The following CEP162 variants were observed in gnomAD, a reference collection of about 807,000 sequenced individuals.
The protein encoded by CEP162 is centrosomal protein 162.
Under a neutral mutation model 169.2 loss-of-function variants are expected in CEP162, and 141 were observed. The ratio of observed to expected loss-of-function variants is 0.83; its 90% CI spans 0.73 to 0.96. The LOEUF is 0.96. Ranked by LOEUF, CEP162 falls within the 40% of genes least tolerant of loss-of-function variation. The probability of loss-of-function intolerance (pLI) is 0.00; values close to 1 mark genes in which losing one functional copy is unlikely to be tolerated. For missense variants in CEP162, 1,600 were observed against 1,587.2 expected, an observed-to-expected ratio of 1.01 and a Z score of -0.14; for synonymous variants, 540 against 526.4, an observed-to-expected ratio of 1.03 and a Z score of -0.35.
At chr6:84,134,054 C>T (rs1188413331) in intron 25 of CEP162, among the ~76,000 whole-genome samples, 1 of 152,320 alleles carries the variant, frequency 6.6e-6, no homozygotes, top group East Asian at 1.9e-4. Context: ...AGATGCCCTG[C>T]CCAGAGAGGA....
chr6:84,130,097 C>T (rs745975189), intron 25 of CEP162, among the ~76,000 whole-genome samples: 2 of 152,108 alleles, frequency 1.3e-5, no homozygotes, highest in Admixed American at 6.5e-5. Flanking sequence ...TCGAAGGCCT[C>T]TTCTGCATCT....
At chr6:84,131,938 G>C (rs867464854) in intron 25 of CEP162, among the ~76,000 whole-genome samples, 3 of 152,322 alleles carry the variant, frequency 2.0e-5, no homozygotes, top group Admixed American at 6.5e-5. Flanking sequence ...TCCTAGCACT[G>C]ATGGTCTTTA....
At chr6:84,227,414 A>G (rs1258490782) in intron 1 of CEP162, among the ~76,000 whole-genome samples, 166 bp downstream of exon 1, 1 of 152,152 alleles carries the variant, frequency 6.6e-6, no homozygotes, top group African/African-American at 2.4e-5. Flanking sequence ...CCGTCCCCAG[A>G]AGCGCGGGTT....
Position 84,174,173 on chromosome 6 carries a change from C to G in CEP162, c.2041G>C (p.Glu681Gln), listed in dbSNP as rs1437853107. 3 of 1,604,548 alleles carry G rather than the reference C, an allele frequency of 1.9e-6. No homozygotes were observed. Among genetic ancestry groups the G allele is most frequent in the African/African-American group, 1.3e-5 (1 of 74,672 alleles). The part of the protein sequence containing the change: ...ILQAKLSSFE[E>Q]TNKKQRWLHF... ...AACCACCTTTGTTTTTTGTTTGTTT[C>G]TTCAAAGCTGCTTAACTTGGAGAAA... The change falls in exon 16 of 27, where the codon GAA becomes CAA. Residue 681 changes from glutamate to glutamine, a missense_variant. Glu to Gln is a conservative substitution (Grantham distance 29). Transcript: ENST00000403245.
At chr6:84,126,748 G>A (rs1199281214) in intron 25 of CEP162, among the ~76,000 whole-genome samples, 1 of 152,114 alleles carries the variant, frequency 6.6e-6, no homozygotes, top group Non-Finnish European at 1.5e-5. Context: ...TACCTCCCAA[G>A]TATGGCAGTC....
chr6:84,144,450 G>A (rs1304036363), intron 25 of CEP162, among the ~76,000 whole-genome samples: 2 of 152,004 alleles, frequency 1.3e-5, no homozygotes, highest in Non-Finnish European at 1.5e-5. Flanking sequence ...CTCATCAGAT[G>A]TTTAACTATG....
intron 7 of CEP162, among the ~76,000 whole-genome samples, 187 bp downstream of exon 7, chr6:84,203,794 T>C (rs1461450527): frequency 2.0e-5 from 3 of 152,156 alleles, no homozygotes; most frequent in Non-Finnish European, 4.4e-5. Context: ...ATTTTTTTCA[T>C]TAAGATTTAC....
Position 84,174,135 on chromosome 6 carries a change from T to C in CEP162, c.2079A>G (p.Glu693=). The change falls in exon 16 of 27, where the codon GAA becomes GAG. Residue 693 remains glutamate (E), a synonymous_variant. Coordinates refer to ENST00000403245, the MANE Select transcript of CEP162 (RefSeq NM_014895.4). ...TTTCTCCAGTGACAGGATCAGCTGC[T>C]TCTCCAAAATGTAACCACCTTTGTT... ...NKKQRWLHFG[E]AADPVTGEKL... is the part of the protein sequence containing the mutation. 1 of 1,610,454 alleles carries C rather than the reference T, an allele frequency of 6.2e-7. No individual in the cohort carries two copies. The highest frequency in any genetic ancestry group is 8.5e-7 in the Non-Finnish European group (1 of 1,177,816).
intron 25 of CEP162, among the ~76,000 whole-genome samples, chr6:84,128,174 G>A (rs1201348477): frequency 6.6e-6 from 1 of 152,154 alleles, no homozygotes; most frequent in South Asian, 2.1e-4. Context: ...ACCTTTCAAT[G>A]ATTAAACATT....
intron 25 of CEP162, among the ~76,000 whole-genome samples, chr6:84,144,307 G>A (rs374058215): frequency 6.6e-6 from 1 of 151,984 alleles, no homozygotes; most frequent in African/African-American, 2.4e-5. Context: ...AAATGTTCCA[G>A]AAGTTGTATA....
intron 18 of CEP162, among the ~76,000 whole-genome samples, chr6:84,168,060 C>A (rs1227941370): frequency 6.6e-6 from 1 of 151,886 alleles, no homozygotes; most frequent in Non-Finnish European, 1.5e-5. Context: ...TTCCCAGTAT[C>A]TTTTGGTGTT....
intron 11 of CEP162, among the ~76,000 whole-genome samples, chr6:84,190,068 T>C (rs949824588): frequency 6.6e-6 from 1 of 152,006 alleles, no homozygotes; most frequent in Non-Finnish European, 1.5e-5. Context: ...ACTCTGTATC[T>C]AGCTGCTCTG....
chr6:84,173,923 G>A, intron 16 of CEP162, 125 bp downstream of exon 16: 1 of 672,974 alleles, frequency 1.5e-6, no homozygotes, highest in Non-Finnish European at 2.4e-6. Context: ...GACCTCAGGT[G>A]ATCCGCCCAC....
At position 84,186,325 on chromosome 6, in the gene CEP162, T is replaced by A. The variant is rs766051788; in HGVS notation, c.1401+7A>T. On this transcript the variant is annotated splice_region_variant and intron_variant, in intron 12 of 26. Coordinates refer to ENST00000403245, the MANE Select transcript of CEP162 (RefSeq NM_014895.4). ...TCTCTCAAATCAATTTGATGATAAA[T>A]ACTTACTTTATTAATTTTGTCATCC... 2.2e-6 allele frequency: 3 copies of A among 1,343,266 alleles called. No homozygotes were observed. The highest frequency in any genetic ancestry group is 2.1e-6 in the Non-Finnish European group (2 of 938,210). 83.2% of individuals were successfully genotyped at this position (1,343,266 alleles called of 1,614,324 possible). A position where few individuals can be genotyped will look rare whatever the true frequency, so the allele number is the denominator to read the frequency against.
intron 13 of CEP162, among the ~76,000 whole-genome samples, chr6:84,177,728 A>G (rs900555507): frequency 3.7e-4 from 57 of 152,186 alleles, no homozygotes; most frequent in African/African-American, 1.3e-3. Flanking sequence ...GTAGAGACAG[A>G]GTTTTACCAT....
intron 25 of CEP162, 117 bp downstream of exon 25, chr6:84,146,570 C>T (rs191857604): frequency 1.4e-4 from 71 of 501,342 alleles, no homozygotes; most frequent in Non-Finnish European, 2.2e-4. Context: ...ATTTTCTTGA[C>T]GTGATACTTT....
chr6:84,161,852 C>T lies in CEP162; in HGVS notation c.2570G>A (p.Arg857His), dbSNP rs755871849. 45 of 1,583,340 alleles carry T rather than the reference C, an allele frequency of 2.8e-5. No individual in the cohort carries two copies. Among genetic ancestry groups the T allele is most frequent in the Admixed American group, 7.0e-5 (4 of 57,230 alleles). ...LEETHKQEISRLQKRLQWYAE... is the reference protein window; with the variant it reads ...LEETHKQEISHLQKRLQWYAE... ...ATACCACTGTAATCTTTTTTGCAGA[C>T]GACTGATTTCTTGTTTATGTGTTTC... The change falls in exon 20 of 27, where the codon CGT becomes CAT. Residue 857 changes from arginine to histidine, a missense_variant. Transcript: ENST00000403245.
In CEP162 at chr6:84,204,060, C is replaced by T. The variant is rs767987425; in HGVS notation, c.608G>A (p.Gly203Asp). ...YSDDFEDEYV[G>D]APLTTKDEEM... The stretch of plus-strand genomic sequence containing the variant: ...TTCATCTTTAGTAGTCAACGGTGCA[C>T]CAACATACTCATCTTCAAAATCATC... Residue 203 changes from glycine (G) to aspartate (D), a missense_variant, in exon 7 of 27, where the codon GGT becomes GAT. Coordinates refer to ENST00000403245, the MANE Select transcript of CEP162 (RefSeq NM_014895.4). 3 of 1,604,928 alleles carry T rather than the reference C, an allele frequency of 1.9e-6. No homozygotes were observed. Among genetic ancestry groups the T allele is most frequent in the South Asian group, 1.1e-5 (1 of 89,030 alleles).
intron 26 of CEP162, among the ~76,000 whole-genome samples, chr6:84,125,554 TC>T (rs2099508587): frequency 6.6e-6 from 1 of 152,060 alleles, no homozygotes; most frequent in Non-Finnish European, 1.5e-5. Context: ...TTAAATGAGA[TC>T]ATAAGGGTGG....
Sources: gnomAD v4.1 joint callset for allele counts (sites outside exome capture counted in the v4.1 genomes callset) on GRCh38, gnomAD v4.1.1 for gene constraint, MANE v1.5 for transcripts, NCBI Gene and HGNC (gene_info 2026-07-23, HGNC 2026-07-21) for gene names.